The following SNTB1 variants were observed in gnomAD, a reference collection of about 807,000 sequenced individuals.
SNTB1 encodes beta-1-syntrophin.
SNTB1 carries 36 observed loss-of-function variants against 48.9 expected under a neutral mutation model. That is an observed-to-expected ratio of 0.74 (90% CI 0.56 to 0.97). SNTB1 has a LOEUF of 0.97. Among genes scored for constraint, SNTB1 ranks in the 50% least tolerant of loss-of-function variants. The pLI, the probability that SNTB1 is intolerant of heterozygous loss-of-function variation, is 0.00. For synonymous variants in SNTB1, 299 were observed against 294.6 expected (o/e 1.01, Z -0.15); for missense variants, 786 against 703.4 (o/e 1.12, Z -1.33).
At chr8:120,633,485 G>A (rs7841738) in intron 2 of SNTB1, among the ~76,000 whole-genome samples, 115,483 of 151,700 alleles carry the variant, frequency 0.76, 44,228 homozygotes, top group East Asian at 0.92. Context: ...GGTGCCTGTA[G>A]CCCCAGCTAC....
At chr8:120,709,132 A>G (rs1187343033) in intron 1 of SNTB1, among the ~76,000 whole-genome samples, 1 of 152,124 alleles carries the variant, frequency 6.6e-6, no homozygotes, top group Admixed American at 6.6e-5. Context: ...GGGAAGGAGG[A>G]AGGCAAGAAA....
rs561408402 is a variant in SNTB1 at position 120,542,705 on chromosome 8, A to G, written c.1334-705T>C. ...AAGCCACCTTTGAATCACCAACCTT[A>G]TCATCCACACACACACACACACACG... On this transcript the variant is annotated intron_variant, in intron 5 of 6. Transcript: ENST00000517992. Among the ~76,000 whole-genome samples the G allele has an allele frequency of 7.3e-4, 90 of 122,966 alleles. 1 individual carries two copies. Among genetic ancestry groups the G allele is most frequent in the African/African-American group, 3.8e-3 (85 of 22,184 alleles). 80.7% of individuals were successfully genotyped at this position (122,966 alleles called of 152,430 possible). A position where few individuals can be genotyped will look rare whatever the true frequency, so the allele number is the denominator to read the frequency against.
intron 1 of SNTB1, among the ~76,000 whole-genome samples, chr8:120,778,060 A>G (rs1819765715): frequency 6.6e-6 from 1 of 152,236 alleles, no homozygotes. Flanking sequence ...CTTCTGCCAC[A>G]TCCAAACTTT....
intron 5 of SNTB1, among the ~76,000 whole-genome samples, chr8:120,544,928 T>C (rs1815352186): frequency 6.6e-6 from 1 of 151,902 alleles, no homozygotes; most frequent in African/African-American, 2.4e-5. Context: ...AAAAAGGCAC[T>C]GATTATCTTG....
At chr8:120,633,710 G>A (rs1201942308) in intron 2 of SNTB1, among the ~76,000 whole-genome samples, 5 of 152,150 alleles carry the variant, frequency 3.3e-5, no homozygotes, top group Non-Finnish European at 5.9e-5. Context: ...AGAGAGATCT[G>A]TATACTGTAA....
chr8:120,743,676 A>G (rs1819080279), intron 1 of SNTB1, among the ~76,000 whole-genome samples: 1 of 152,158 alleles, frequency 6.6e-6, no homozygotes, highest in South Asian at 2.1e-4. Flanking sequence ...GCACTTTTAG[A>G]GGTGTGGGGT....
At chr8:120,615,824 C>T (rs1253403468) in intron 3 of SNTB1, among the ~76,000 whole-genome samples, 2 of 152,120 alleles carry the variant, frequency 1.3e-5, no homozygotes, top group African/African-American at 4.8e-5. Flanking sequence ...CATTTCCTTT[C>T]CTTCCTTTTA....
At chr8:120,807,323 T>C (rs1415133119) in intron 1 of SNTB1, among the ~76,000 whole-genome samples, 3 of 152,256 alleles carry the variant, frequency 2.0e-5, no homozygotes, top group Non-Finnish European at 4.4e-5. Context: ...CCAAGGACGT[T>C]TGTGCAGGTG....
At chr8:120,642,527 G>A (rs1817213929) in intron 2 of SNTB1, among the ~76,000 whole-genome samples, 1 of 152,158 alleles carries the variant, frequency 6.6e-6, no homozygotes, top group Non-Finnish European at 1.5e-5. Flanking sequence ...CCTATTGATA[G>A]TTGTCCCCAG....
At chr8:120,688,714 G>A (rs1234552840) in intron 2 of SNTB1, among the ~76,000 whole-genome samples, 5 of 152,178 alleles carry the variant, frequency 3.3e-5, no homozygotes, top group African/African-American at 7.2e-5. Flanking sequence ...AATTATTTAA[G>A]GGATGCTGGA....
rs117170893 is a variant in SNTB1, at chr8:120,616,973, T to C, written c.996+15471A>G. ...CACAGGCATATGCTCACTCATCAAA[T>C]CATCTGCTCTGGCAGATAATGGTGT... On this transcript the variant is annotated intron_variant, in intron 3 of 6. Coordinates refer to ENST00000517992, the MANE Select transcript of SNTB1 (RefSeq NM_021021.4). 1.5e-3 allele frequency among the ~76,000 whole-genome samples: 232 copies of C among 152,320 alleles called. 1 individual carries two copies. In the East Asian group the frequency reaches 0.043, roughly 29 times the overall value.
intron 2 of SNTB1, among the ~76,000 whole-genome samples, chr8:120,653,112 T>C (rs561463668): frequency 1.3e-5 from 2 of 152,310 alleles, no homozygotes; most frequent in East Asian, 3.9e-4. Flanking sequence ...CCCTGTGCAG[T>C]GCATTGAATA....
intron 1 of SNTB1, among the ~76,000 whole-genome samples, chr8:120,761,805 A>G (rs1188217248): frequency 6.6e-6 from 1 of 152,230 alleles, no homozygotes; most frequent in Non-Finnish European, 1.5e-5. Context: ...ATAACATTGA[A>G]TAGATATAGG....
At chr8:120,636,998 C>T (rs140651213) in intron 2 of SNTB1, 1 of 326,668 alleles carries the variant, frequency 3.1e-6, no homozygotes, top group East Asian at 8.6e-5. Flanking sequence ...AATTCTTGGC[C>T]TGAGGATTTA....
Position 120,538,476 on chromosome 8 carries a change from T to A in SNTB1, c.*401A>T, listed in dbSNP as rs1815233224. On this transcript the variant is annotated 3_prime_UTR_variant, in exon 7 of 7. Transcript: ENST00000517992. ...GGGATAGGGGGCTAGGAGGAGTAGGTAAGAATGTCCATTTCTCAACTATTC... is the reference window on the plus strand; with the variant it reads ...GGGATAGGGGGCTAGGAGGAGTAGGAAAGAATGTCCATTTCTCAACTATTC... 3.1e-6 allele frequency: 1 copy of A among 321,748 alleles called. No individual in the cohort carries two copies. The allele number at this position is 321,748 out of a possible 1,614,324, so 19.9% of individuals were successfully genotyped here.
Position 120,811,846 on chromosome 8 carries a change from T to C in SNTB1, c.-3A>G, listed in dbSNP as rs1820444132. On this transcript the variant is annotated 5_prime_UTR_variant, in exon 1 of 7. Transcript: ENST00000517992. ...GCCGCCGCCGCCGCTACCGCCATCTTTCCGGCATTCTTAAAATGCCATGTG... is the reference window on the plus strand; with the variant it reads ...GCCGCCGCCGCCGCTACCGCCATCTCTCCGGCATTCTTAAAATGCCATGTG... 1.6e-5 allele frequency: 22 copies of C among 1,340,314 alleles called. 1 individual carries two copies. The South Asian group carries it at 4.7e-4, about 28-fold the overall frequency. The allele number at this position is 1,340,314 out of a possible 1,614,324, so 83.0% of individuals were successfully genotyped here. A position where few individuals can be genotyped will look rare whatever the true frequency, so the allele number is the denominator to read the frequency against.
chr8:120,793,112 A>G (rs1384200220), intron 1 of SNTB1, among the ~76,000 whole-genome samples: 1 of 151,914 alleles, frequency 6.6e-6, no homozygotes, highest in African/African-American at 2.4e-5. Context: ...GAGCTTGGAG[A>G]TGCAACTGGG....
intron 1 of SNTB1, among the ~76,000 whole-genome samples, chr8:120,768,224 A>G (rs949478674): frequency 6.6e-6 from 1 of 152,172 alleles, no homozygotes; most frequent in African/African-American, 2.4e-5. Flanking sequence ...GCAGTCTCCT[A>G]TGGAATGCAT....
At chr8:120,708,224 C>T (rs1486823562) in intron 1 of SNTB1, among the ~76,000 whole-genome samples, 1 of 151,452 alleles carries the variant, frequency 6.6e-6, no homozygotes, top group East Asian at 1.9e-4. Context: ...ACAAAACTGA[C>T]CTAAGAAAAT....
Sources: gnomAD v4.1 joint callset for allele counts (sites outside exome capture counted in the v4.1 genomes callset) on GRCh38, gnomAD v4.1.1 for gene constraint, MANE v1.5 for transcripts, NCBI Gene and HGNC (gene_info 2026-07-23, HGNC 2026-07-21) for gene names.